SPARCL1: variants seen among roughly 807,000 people sequenced by gnomAD.
SPARCL1 encodes the protein SPARC-like protein 1.
A neutral mutation model predicts 67.1 loss-of-function variants in SPARCL1; 52 were observed. That is an observed-to-expected ratio of 0.78 (90% CI 0.62 to 0.98). The LOEUF (loss-of-function observed/expected upper bound fraction) is 0.98. Ranked by LOEUF, SPARCL1 falls within the 50% of genes least tolerant of loss-of-function variation. The pLI is 0.00. For missense variants in SPARCL1, 717 were observed against 782.4 expected, an observed-to-expected ratio of 0.92 and a Z score of 1.00; for synonymous variants, 226 against 267.8, an observed-to-expected ratio of 0.84 and a Z score of 1.52.
intron 1 of SPARCL1, among the ~76,000 whole-genome samples, chr4:87,520,669 G>A (rs1352291818): frequency 6.6e-6 from 1 of 152,156 alleles, no homozygotes; most frequent in Non-Finnish European, 1.5e-5. Flanking sequence ...CCATGGGAGA[G>A]GTTGTAATTG....
chr4:87,506,480 T>A (rs1725076360), intron 1 of SPARCL1, among the ~76,000 whole-genome samples: 1 of 152,192 alleles, frequency 6.6e-6, no homozygotes, highest in Non-Finnish European at 1.5e-5. Flanking sequence ...TTCAATCCAC[T>A]GGGGACCTGA....
intron 8 of SPARCL1, among the ~76,000 whole-genome samples, chr4:87,480,878 G>C (rs1399975534): frequency 6.8e-6 from 1 of 147,698 alleles, no homozygotes; most frequent in South Asian, 2.1e-4. Flanking sequence ...ATTGACTAAG[G>C]TGATTAGTTA....
chr4:87,480,792 C>G (rs551449200), intron 8 of SPARCL1, among the ~76,000 whole-genome samples: 1 of 140,850 alleles, frequency 7.1e-6, no homozygotes, highest in Non-Finnish European at 1.5e-5. Flanking sequence ...TGTTTTGCCT[C>G]TTTCTTTTAA....
At chr4:87,479,208 GT>G (rs1723704157) in intron 10 of SPARCL1, among the ~76,000 whole-genome samples, 1 of 152,186 alleles carries the variant, frequency 6.6e-6, no homozygotes, top group African/African-American at 2.4e-5. Flanking sequence ...CTCAATGCAT[GT>G]TCACCCTTGC....
At chr4:87,486,547 G>A (rs918585926) in intron 7 of SPARCL1, among the ~76,000 whole-genome samples, 1 of 152,090 alleles carries the variant, frequency 6.6e-6, no homozygotes, top group Non-Finnish European at 1.5e-5. Context: ...GTCAATTTGG[G>A]GTGGAGAGTT....
intron 2 of SPARCL1, among the ~76,000 whole-genome samples, chr4:87,498,255 TG>T (rs1421475628): frequency 6.6e-6 from 1 of 152,204 alleles, no homozygotes; most frequent in African/African-American, 2.4e-5. Context: ...TTCCTGATGG[TG>T]GGTATAAACT....
chr4:87,503,081 C>T (rs1724915407), intron 1 of SPARCL1, among the ~76,000 whole-genome samples: 1 of 152,208 alleles, frequency 6.6e-6, no homozygotes, highest in Admixed American at 6.5e-5. Flanking sequence ...CCACCTCCCA[C>T]CTGACATTGT....
At chr4:87,514,337 T>G (rs1179996467) in intron 1 of SPARCL1, among the ~76,000 whole-genome samples, 1 of 152,190 alleles carries the variant, frequency 6.6e-6, no homozygotes, top group Admixed American at 6.5e-5. Context: ...ATAGAACAAG[T>G]CTAGGGATTG....
At chr4:87,490,185 C>T (rs1724255699) in intron 7 of SPARCL1, 88 bp downstream of exon 7, 1 of 1,360,764 alleles carries the variant, frequency 7.3e-7, no homozygotes, top group Non-Finnish European at 9.7e-7. Context: ...TCAGCTTTTC[C>T]CTGTTTGCAT....
Position 87,511,057 on chromosome 4 carries a change from C to T in SPARCL1, c.-11-11472G>A, listed in dbSNP as rs577788490. Among the ~76,000 whole-genome samples, 4 of 152,298 alleles carry T rather than the reference C, an allele frequency of 2.6e-5. No homozygotes were observed. In the South Asian group the frequency reaches 8.3e-4, roughly 32 times the overall value. ...AGCAGGGCGGGCTGAGTAAACAAGG[C>T]ACCCCTGCCGCGAGTTCCGTGAAGG... is the stretch of plus-strand genomic sequence containing the variant. On this transcript the variant is annotated intron_variant, in intron 1 of 10. Transcript: ENST00000282470.
At chr4:87,488,900 C>G (rs146684629) in intron 7 of SPARCL1, among the ~76,000 whole-genome samples, 1 of 151,266 alleles carries the variant, frequency 6.6e-6, no homozygotes, top group Non-Finnish European at 1.5e-5. Context: ...AAGGGAAAAC[C>G]GCCAACTCAA....
chr4:87,520,571 G>A (rs989005999), intron 1 of SPARCL1, among the ~76,000 whole-genome samples: 1 of 152,190 alleles, frequency 6.6e-6, no homozygotes. Context: ...CTGCATAATT[G>A]TCAAAGTGAG....
chr4:87,504,536 C>T (rs1578108394), intron 1 of SPARCL1, among the ~76,000 whole-genome samples: 1 of 152,048 alleles, frequency 6.6e-6, no homozygotes, highest in African/African-American at 2.4e-5. Flanking sequence ...AGATGAAGAA[C>T]AGGCCTAGAA....
intron 10 of SPARCL1, among the ~76,000 whole-genome samples, chr4:87,478,689 C>T (rs185852263): frequency 3.5e-4 from 54 of 152,204 alleles, no homozygotes; most frequent in African/African-American, 5.1e-4. Context: ...CCACCCACCT[C>T]GGCTTCCCAA....
intron 1 of SPARCL1, among the ~76,000 whole-genome samples, chr4:87,523,189 A>C (rs1725895683): frequency 6.6e-6 from 1 of 151,466 alleles, no homozygotes; most frequent in African/African-American, 2.4e-5. Flanking sequence ...CCAGCCCAGG[A>C]GGTAGAGGTT....
chr4:87,500,799 TACGCGCGCAC>T (rs1560822122), intron 1 of SPARCL1, among the ~76,000 whole-genome samples: 1 of 104,664 alleles, frequency 9.6e-6, no homozygotes, highest in African/African-American at 5.2e-5. Context: ...CGCACGCACA[TACGCGCGCAC>T]GCACACACTT....
intron 2 of SPARCL1, among the ~76,000 whole-genome samples, chr4:87,495,354 C>G (rs1560820086): frequency 6.6e-6 from 1 of 152,090 alleles, no homozygotes; most frequent in Non-Finnish European, 1.5e-5. Flanking sequence ...TATGCAGAGA[C>G]TGGGTGAAAA....
chr4:87,527,738 C>T (rs1578121606), intron 1 of SPARCL1, among the ~76,000 whole-genome samples: 1 of 152,146 alleles, frequency 6.6e-6, no homozygotes, highest in African/African-American at 2.4e-5. Context: ...GAATATTCTT[C>T]TCCAAAATGT....
At chr4:87,502,962 A>G (rs1291279077) in intron 1 of SPARCL1, among the ~76,000 whole-genome samples, 1 of 152,200 alleles carries the variant, frequency 6.6e-6, no homozygotes, top group African/African-American at 2.4e-5. Flanking sequence ...TTACCTTGAG[A>G]AGCAAATATA....
Sources: allele counts gnomAD v4.1 joint callset (sites outside exome capture counted in the v4.1 genomes callset), GRCh38; gene constraint gnomAD v4.1.1; transcripts MANE v1.5; gene names NCBI Gene and HGNC (gene_info 2026-07-23, HGNC 2026-07-21).